ADAMTS9: variants seen among roughly 807,000 people sequenced by gnomAD.
ADAMTS9 encodes A disintegrin and metalloproteinase with thrombospondin motifs 9.
A neutral mutation model predicts 257.1 loss-of-function variants in ADAMTS9; 107 were observed. That is an observed-to-expected ratio of 0.42 (90% confidence interval 0.36 to 0.49). ADAMTS9 has a LOEUF of 0.49. Among genes scored for constraint, ADAMTS9 ranks in the 20% least tolerant of loss-of-function variants. ADAMTS9 has a pLI of 0.03. For synonymous variants in ADAMTS9, 982 were observed against 880.9 expected (o/e 1.11, Z -2.03); for missense variants, 2,353 against 2,469.1 (o/e 0.95, Z 1.00).
chr3:64,597,155 G>T (rs982130364), intron 26 of ADAMTS9, among the ~76,000 whole-genome samples, 164 bp from the exon 27 acceptor site: 2 of 152,160 alleles, frequency 1.3e-5, no homozygotes, highest in Admixed American at 1.3e-4. Flanking sequence ...CCACTGTGGG[G>T]CTGTTTCATG....
intron 11 of ADAMTS9, among the ~76,000 whole-genome samples, chr3:64,647,302 C>T (rs1700821677): frequency 6.6e-6 from 1 of 151,920 alleles, no homozygotes; most frequent in Non-Finnish European, 1.5e-5. Flanking sequence ...TAGATGCACA[C>T]TAGGTACAGA....
chr3:64,602,730 CT>C lies in ADAMTS9; in HGVS notation c.3748-518del, dbSNP rs1037955817. 1.2e-4 allele frequency among the ~76,000 whole-genome samples: 19 copies of C among 152,282 alleles called. No homozygotes were observed. In the South Asian group the frequency reaches 3.7e-3, roughly 30 times the overall value. On this transcript the variant is annotated intron_variant, in intron 25 of 39. Coordinates refer to ENST00000498707, the MANE Select transcript of ADAMTS9 (RefSeq NM_182920.2). ...ATTCAGGTCCTGCTCAATGTCAGGC[CT>C]TTTTTGACCACCCTCTCTAAAAGCA...
At chr3:64,558,554 G>T (rs117137398) in intron 30 of ADAMTS9, among the ~76,000 whole-genome samples, 1 of 152,206 alleles carries the variant, frequency 6.6e-6, no homozygotes, top group East Asian at 1.9e-4. Context: ...AACCTGTGTG[G>T]CTGTACAGAA....
Position 64,622,498 on chromosome 3 carries a change from C to T in ADAMTS9, c.2478G>A (p.Val826=). 6.2e-7 allele frequency: 1 copy of T among 1,614,080 alleles called. No homozygotes were observed. The highest frequency in any genetic ancestry group is 8.5e-7 in the Non-Finnish European group (1 of 1,179,982). The part of the protein sequence containing the change: ...AKREIRIGNA[V]VEYSGSETAV... ...CAGTCTCGGACCCACTGTACTCTAC[C>T]ACAGCATTCCCAATGCGAATTTCCC... The change falls in exon 17 of 40, where the codon GTG becomes GTA. Residue 826 remains valine, a synonymous_variant. Transcript: ENST00000498707.
At chr3:64,649,610 G>A in intron 10 of ADAMTS9, 27 bp downstream of exon 10, 1 of 1,592,454 alleles carries the variant, frequency 6.3e-7, no homozygotes. Flanking sequence ...CAGTAGATGA[G>A]GGCAGAAGTG....
At chr3:64,528,541 T>C (rs1238249564) in intron 38 of ADAMTS9, among the ~76,000 whole-genome samples, 3 of 151,966 alleles carry the variant, frequency 2.0e-5, no homozygotes, top group Non-Finnish European at 4.4e-5. Flanking sequence ...AACCAAGGGG[T>C]GTCTCACACG....
intron 8 of ADAMTS9, 74 bp from the exon 9 acceptor site, chr3:64,651,237 T>C: frequency 2.9e-6 from 4 of 1,356,110 alleles, no homozygotes; most frequent in South Asian, 1.6e-5. Flanking sequence ...GCTTCAGGAA[T>C]GCAACTATCT....
At chr3:64,621,330 G>C in intron 18 of ADAMTS9, 90 bp from the exon 19 acceptor site, 2 of 1,389,272 alleles carry the variant, frequency 1.4e-6, no homozygotes, top group East Asian at 2.5e-5. Flanking sequence ...TTTCTCTAAA[G>C]AGCCAGACAG....
chr3:64,658,618 T>C lies in ADAMTS9; in HGVS notation c.853A>G (p.Thr285Ala), dbSNP rs1701143113. The stretch of plus-strand genomic sequence containing the variant: ...CGTGGATAGGATAAAAAACGTTTTG[T>C]CCTTCTGTGGGTCCTCTTTTCTCTT... ...NTREKRTHRR[T>A]KRFLSYPRFV... is the part of the protein sequence containing the mutation. Residue 285 changes from threonine to alanine, a missense_variant, in exon 4 of 40, where the codon ACA (threonine) becomes GCA (alanine). This residue lies in a region of ADAMTS9 where 591 missense variants were observed against 569.6 expected (regional missense o/e 1.04). Transcript: ENST00000498707. The C allele has an allele frequency of 6.2e-7, 1 of 1,614,150 alleles. No individual in the cohort carries two copies. Among genetic ancestry groups the C allele is most frequent in the Non-Finnish European group, 8.5e-7 (1 of 1,180,034 alleles).
chr3:64,556,668 G>T (rs1236180760), intron 30 of ADAMTS9, among the ~76,000 whole-genome samples: 2 of 152,058 alleles, frequency 1.3e-5, no homozygotes, highest in Non-Finnish European at 2.9e-5. Flanking sequence ...ATTCTATAGA[G>T]TGAAAGATGA....
intron 29 of ADAMTS9, among the ~76,000 whole-genome samples, chr3:64,564,619 G>C (rs7628107): frequency 7.1e-6 from 1 of 141,394 alleles, no homozygotes; most frequent in Admixed American, 6.7e-5. Flanking sequence ...TTTTGTGTGT[G>C]GGGGGGGCGT....
chr3:64,654,837 C>T lies in ADAMTS9; in HGVS notation c.1170-225G>A, dbSNP rs146717548. On this transcript the variant is annotated intron_variant, in intron 6 of 39. Coordinates refer to ENST00000498707, the MANE Select transcript of ADAMTS9 (RefSeq NM_182920.2). The stretch of plus-strand genomic sequence containing the variant: ...AAGAAGTTTTCTTCTGTGGTCAGGG[C>T]GGTCACAGAGCAGTAAGAAATCTCT... 1.4e-4 allele frequency among the ~76,000 whole-genome samples: 22 copies of T among 152,314 alleles called. No homozygotes were observed. The East Asian group carries it at 3.1e-3, about 21-fold the overall frequency.
At chr3:64,608,665 T>C (rs1251778779) in intron 22 of ADAMTS9, among the ~76,000 whole-genome samples, 3 of 151,916 alleles carry the variant, frequency 2.0e-5, no homozygotes, top group African/African-American at 7.3e-5. Context: ...CCTCAAAAAG[T>C]TTGTACCAGT....
intron 22 of ADAMTS9, among the ~76,000 whole-genome samples, chr3:64,610,080 T>G (rs1370607362): frequency 2.6e-5 from 4 of 152,328 alleles, no homozygotes; most frequent in African/African-American, 9.6e-5. Flanking sequence ...AACCATGATG[T>G]TGGAATCCTG....
At chr3:64,535,633 A>C (rs1285413147) in intron 37 of ADAMTS9, among the ~76,000 whole-genome samples, 1 of 148,702 alleles carries the variant, frequency 6.7e-6, no homozygotes, top group Non-Finnish European at 1.5e-5. Context: ...GGCTCACTGC[A>C]ACCTCTGCCT....
chr3:64,569,294 G>A (rs1239743656), intron 28 of ADAMTS9, among the ~76,000 whole-genome samples: 1 of 152,196 alleles, frequency 6.6e-6, no homozygotes. Context: ...GCTGGCCCCA[G>A]TGAGTGTGCT....
chr3:64,517,747 T>G, intron 39 of ADAMTS9, among the ~76,000 whole-genome samples: 1 of 152,232 alleles, frequency 6.6e-6, no homozygotes, highest in East Asian at 1.9e-4. Flanking sequence ...ATGTAAATAT[T>G]GTATATACGT....
chr3:64,665,827 G>A (rs1309547983), intron 3 of ADAMTS9, among the ~76,000 whole-genome samples: 5 of 152,112 alleles, frequency 3.3e-5, no homozygotes, highest in Non-Finnish European at 7.4e-5. Context: ...ACTTCTCTGG[G>A]CCTCAGTTTC....
rs764037548 is a variant in ADAMTS9, at chr3:64,550,886, C to T, written c.4869+6G>A. ...CTGACGATGGTTACAGTTCCCAGGA[C>T]GGTACCTCTGACCATTCTCCTGTGA... On this transcript the variant is annotated splice_donor_region_variant and intron_variant, in intron 31 of 39. Transcript: ENST00000498707. 22 of 1,613,946 alleles carry T rather than the reference C, an allele frequency of 1.4e-5. No homozygotes were observed. Among genetic ancestry groups the T allele is most frequent in the Middle Eastern group, 1.7e-4 (1 of 6,060 alleles).
Sources: gnomAD v4.1 joint callset for allele counts (sites outside exome capture counted in the v4.1 genomes callset) on GRCh38, gnomAD v4.1.1 for gene constraint, gnomAD v4.1.1 regional missense constraint, MANE v1.5 for transcripts, NCBI Gene and HGNC (gene_info 2026-07-23, HGNC 2026-07-21) for gene names.